CTNNA2: variants seen among roughly 807,000 people sequenced by gnomAD.
CTNNA2 encodes the protein catenin alpha 2, also known as catenin alpha-2.
A neutral mutation model predicts 101.0 loss-of-function variants in CTNNA2; 42 were observed. The observed-to-expected ratio is 0.42, with a 90% CI of 0.32 to 0.54. The LOEUF (loss-of-function observed/expected upper bound fraction) is 0.54. Among genes scored for constraint, CTNNA2 ranks in the 20% least tolerant of loss-of-function variants. The probability of loss-of-function intolerance (pLI) is 0.14; values close to 1 mark genes in which losing one functional copy is unlikely to be tolerated. For missense variants in CTNNA2, 871 were observed against 1,223.1 expected (o/e 0.71, Z 4.29); for synonymous variants, 450 against 456.4 (o/e 0.99, Z 0.18).
intron 3 of CTNNA2, among the ~76,000 whole-genome samples, chr2:79,848,716 A>G (rs1680438586): frequency 6.6e-6 from 1 of 152,218 alleles, no homozygotes; most frequent in Non-Finnish European, 1.5e-5. Context: ...TACTGAACAT[A>G]TCTTGATAGG....
Position 80,376,454 on chromosome 2 carries a change from T to C in CTNNA2, c.1057-16757T>C, listed in dbSNP as rs183431515. Among the ~76,000 whole-genome samples the C allele has an allele frequency of 1.2e-4, 18 of 145,782 alleles. No homozygotes were observed. The East Asian group carries it at 3.4e-3, about 27-fold the overall frequency. ...TTCCTAATTGAGGTTTATAGGCTAA[T>C]GGTAGAAACAGGAAAAAAAAAAAAA... is the stretch of plus-strand genomic sequence containing the variant. On this transcript the variant is annotated intron_variant, in intron 7 of 18. Coordinates refer to ENST00000402739, the MANE Select transcript of CTNNA2 (RefSeq NM_001282597.3).
intron 7 of CTNNA2, among the ~76,000 whole-genome samples, chr2:80,021,424 G>T (rs143522793): frequency 7.9e-5 from 12 of 152,256 alleles, no homozygotes; most frequent in African/African-American, 2.4e-4. Flanking sequence ...ACCTGCTGAT[G>T]ATTGGTAGGA....
intron 9 of CTNNA2, among the ~76,000 whole-genome samples, chr2:80,441,892 G>A (rs546477917): frequency 2.0e-5 from 3 of 152,190 alleles, no homozygotes; most frequent in Non-Finnish European, 4.4e-5. Context: ...AAGACATGCC[G>A]AGGTGAGCCA....
At chr2:79,619,976 A>G (rs61500651) in intron 1 of CTNNA2, among the ~76,000 whole-genome samples, 3,857 of 152,306 alleles carry the variant, frequency 0.025, 154 homozygotes, top group African/African-American at 0.088. Context: ...TCTACAATCA[A>G]CAATGTGCAT....
intron 3 of CTNNA2, among the ~76,000 whole-genome samples, chr2:79,352,908 G>A (rs1677423495): frequency 1.3e-5 from 2 of 152,168 alleles, no homozygotes; most frequent in Non-Finnish European, 2.9e-5. Context: ...ATGGCGAAAG[G>A]CAAAGGGGAA....
chr2:80,541,995 A>T (rs1691604293), intron 9 of CTNNA2, among the ~76,000 whole-genome samples: 1 of 151,348 alleles, frequency 6.6e-6, no homozygotes, highest in Non-Finnish European at 1.5e-5. Flanking sequence ...CTAATGGCGA[A>T]TCTTGTTTTT....
chr2:80,273,772 G>A lies in CTNNA2; in HGVS notation c.1057-119439G>A, dbSNP rs575271329. Among the ~76,000 whole-genome samples, 8 of 152,040 alleles carry A rather than the reference G, an allele frequency of 5.3e-5. No individual in the cohort carries two copies. In the East Asian group the frequency reaches 5.8e-4, roughly 11 times the overall value. ...GCTTCTTTGGTTCCTTCAAAGTTCC[G>A]TTCAGATGTCTCAACCTCAGCAATT... On this transcript the variant is annotated intron_variant, in intron 7 of 18. Coordinates refer to ENST00000402739, the MANE Select transcript of CTNNA2 (RefSeq NM_001282597.3).
At chr2:79,668,868 C>T (rs1332642301) in intron 2 of CTNNA2, among the ~76,000 whole-genome samples, 1 of 152,086 alleles carries the variant, frequency 6.6e-6, no homozygotes, top group African/African-American at 2.4e-5. Flanking sequence ...TCATTTAAAC[C>T]AAAAGTTTCC....
At chr2:80,617,568 T>C (rs1299778573) in intron 17 of CTNNA2, among the ~76,000 whole-genome samples, 1 of 151,658 alleles carries the variant, frequency 6.6e-6, no homozygotes, top group African/African-American at 2.4e-5. Context: ...ATGCAAGACT[T>C]TTTTTTCTTT....
chr2:79,189,870 G>T (rs1489576781), intron 1 of CTNNA2, among the ~76,000 whole-genome samples: 2 of 152,056 alleles, frequency 1.3e-5, no homozygotes, highest in Non-Finnish European at 2.9e-5. Flanking sequence ...AAGGTGCAAA[G>T]AAATATTTTA....
intron 3 of CTNNA2, among the ~76,000 whole-genome samples, chr2:79,811,658 C>G (rs1677049899): frequency 6.6e-6 from 1 of 151,982 alleles, no homozygotes; most frequent in African/African-American, 2.4e-5. Context: ...TCAAGTAATG[C>G]CTTCTAACTT....
At chr2:79,456,402 T>G (rs985293821) in intron 4 of CTNNA2, among the ~76,000 whole-genome samples, 1 of 152,140 alleles carries the variant, frequency 6.6e-6, no homozygotes, top group Non-Finnish European at 1.5e-5. Context: ...ATTTAATTTA[T>G]ATTTTTATTT....
chr2:79,324,725 C>T (rs1676704320), intron 3 of CTNNA2, among the ~76,000 whole-genome samples: 1 of 145,794 alleles, frequency 6.9e-6, no homozygotes, highest in South Asian at 2.3e-4. Context: ...CACACACCCA[C>T]TACACACTAC....
intron 2 of CTNNA2, among the ~76,000 whole-genome samples, chr2:79,271,369 T>G (rs1410012583): frequency 1.3e-5 from 2 of 151,948 alleles, no homozygotes; most frequent in African/African-American, 4.8e-5. Flanking sequence ...CCAGATAAAA[T>G]AGCTTTTGTG....
chr2:79,635,141 A>G (rs1045772631), intron 1 of CTNNA2, among the ~76,000 whole-genome samples: 4 of 152,150 alleles, frequency 2.6e-5, no homozygotes, highest in Admixed American at 6.5e-5. Flanking sequence ...GGAGAGAGAA[A>G]GAAGAGATGG....
intron 7 of CTNNA2, among the ~76,000 whole-genome samples, chr2:80,113,396 A>G (rs1250695759): frequency 6.6e-6 from 1 of 152,184 alleles, no homozygotes; most frequent in Admixed American, 6.5e-5. Context: ...TTCAGTAAAC[A>G]GTTCTTGGTG....
At chr2:80,552,945 A>G (rs1692703581) in intron 11 of CTNNA2, among the ~76,000 whole-genome samples, 1 of 151,974 alleles carries the variant, frequency 6.6e-6, no homozygotes, top group South Asian at 2.1e-4. Flanking sequence ...GGCCGGGCCT[A>G]GTGGGTCATG....
intron 15 of CTNNA2, among the ~76,000 whole-genome samples, chr2:80,589,903 T>TGTGTGTGTGTGTGTGTGTGC (rs1553400676): frequency 6.9e-6 from 1 of 144,410 alleles, no homozygotes; most frequent in Non-Finnish European, 1.5e-5. Context: ...TGTGTGTGTG[T>TGTGTGTGTGTGTGTGTGTGC]GTGCGCGCGC....
At chr2:79,542,190 G>A (rs925176690) in intron 1 of CTNNA2, among the ~76,000 whole-genome samples, 4 of 152,120 alleles carry the variant, frequency 2.6e-5, no homozygotes, top group Admixed American at 2.0e-4. Context: ...TTGTCTGGCT[G>A]CTGCAATTTC....
Sources: gnomAD v4.1 joint callset for allele counts (sites outside exome capture counted in the v4.1 genomes callset) on GRCh38, gnomAD v4.1.1 for gene constraint, MANE v1.5 for transcripts, NCBI Gene and HGNC (gene_info 2026-07-23, HGNC 2026-07-21) for gene names.